RNF212B: variants seen among roughly 807,000 people sequenced by gnomAD.
RNF212B encodes the protein ring finger protein 212B, also known as E3 ubiquitin-protein ligase RNF212B.
RNF212B carries 52 observed loss-of-function variants against 55.5 expected under a neutral mutation model. The ratio of observed to expected loss-of-function variants is 0.94; its 90% confidence interval spans 0.75 to 1.18. The LOEUF (loss-of-function observed/expected upper bound fraction) is 1.18, where lower values mean the gene tolerates loss of function less well. Ranked by LOEUF, RNF212B falls within the 50% of genes most tolerant of loss-of-function variation. RNF212B has a pLI of 0.00. For synonymous variants in RNF212B, 99 were observed against 121.4 expected, an observed-to-expected ratio of 0.82 and a Z score of 1.21; for missense variants, 289 against 350.4, an observed-to-expected ratio of 0.82 and a Z score of 1.40.
intron 1 of RNF212B, among the ~76,000 whole-genome samples, chr14:23,193,129 A>G (rs1318793423): frequency 6.6e-6 from 1 of 151,062 alleles, no homozygotes; most frequent in Admixed American, 6.6e-5. Context: ...GAATGTTACC[A>G]GAATGGCACT....
intron 2 of RNF212B, among the ~76,000 whole-genome samples, chr14:23,214,909 C>T (rs1880918290): frequency 6.6e-6 from 1 of 152,054 alleles, no homozygotes; most frequent in South Asian, 2.1e-4. Context: ...CAAATAAATC[C>T]ATGCCAAGAC....
At chr14:23,221,261 C>T (rs994332778) in intron 2 of RNF212B, among the ~76,000 whole-genome samples, 1 of 151,066 alleles carries the variant, frequency 6.6e-6, no homozygotes, top group African/African-American at 2.4e-5. Context: ...AAGAAACACG[C>T]TTCACTTATA....
rs1886225154 is a variant in RNF212B, at chr14:23,272,978, G to C, written c.*87G>C. 4 of 723,188 alleles carry C rather than the reference G, an allele frequency of 5.5e-6. No individual in the cohort carries two copies. The East Asian group carries it at 1.2e-4, about 21-fold the overall frequency. The allele number at this position is 723,188 out of a possible 1,614,324, so 44.8% of individuals were successfully genotyped here. ...ATTAGGGGTGATGGCCCTGGAAAAT[G>C]TATCCCTGCATTGTTTCCTAGTTTC... On this transcript the variant is annotated 3_prime_UTR_variant, in exon 15 of 15. Transcript: ENST00000430154.
rs747582246 is a variant in RNF212B at position 23,228,212 on chromosome 14, ACGAGAG to A, written c.-1-12129_-1-12124del. Among the ~76,000 whole-genome samples, 97 of 152,036 alleles carry A rather than the reference ACGAGAG, an allele frequency of 6.4e-4. 2 individuals carry two copies. Among genetic ancestry groups the A allele is most frequent in the Non-Finnish European group, 1.5e-4 (10 of 68,020 alleles). ...GTGCCATCACACTCCAGCCTGGGTG[ACGAGAG>A]CGAAACTCTGTCTAAAAAAAAAACT... On this transcript the variant is annotated intron_variant, in intron 2 of 15. Transcript: ENST00000399910.
In RNF212B at chr14:23,247,939, C is replaced by A. The variant is rs1024627607; in HGVS notation, c.228+3543C>A. On this transcript the variant is annotated intron_variant, in intron 4 of 14. Coordinates refer to ENST00000430154, the MANE Select transcript of RNF212B (RefSeq NM_001282322.3). The stretch of plus-strand genomic sequence containing the variant: ...CTATAATAAAATACCTTAGACTGGG[C>A]AATTTCTAAATAACAGAAATTTAAT... Among the ~76,000 whole-genome samples, 10 of 152,126 alleles carry A rather than the reference C, an allele frequency of 6.6e-5. No individual in the cohort carries two copies. The East Asian group carries it at 1.9e-3, about 29-fold the overall frequency.
intron 2 of RNF212B, among the ~76,000 whole-genome samples, chr14:23,211,931 T>C (rs1566400081): frequency 6.6e-6 from 1 of 152,196 alleles, no homozygotes; most frequent in South Asian, 2.1e-4. Context: ...TTTTGCCATG[T>C]TGGCCAGGCT....
intron 2 of RNF212B, among the ~76,000 whole-genome samples, chr14:23,228,214 G>A (rs1439118587): frequency 2.0e-5 from 3 of 149,854 alleles, no homozygotes; most frequent in South Asian, 2.1e-4. Flanking sequence ...CCTGGGTGAC[G>A]AGAGCGAAAC....
At chr14:23,202,612 G>A (rs913663649) in intron 2 of RNF212B, among the ~76,000 whole-genome samples, 4 of 152,180 alleles carry the variant, frequency 2.6e-5, no homozygotes, top group African/African-American at 9.7e-5. Flanking sequence ...AGCACTTCGG[G>A]AGGCCGAGGC....
At chr14:23,215,850 A>T (rs1881013388) in intron 2 of RNF212B, among the ~76,000 whole-genome samples, 1 of 152,238 alleles carries the variant, frequency 6.6e-6, no homozygotes, top group African/African-American at 2.4e-5. Context: ...CCTAGTCCTT[A>T]TCCATTCTTA....
intron 4 of RNF212B, among the ~76,000 whole-genome samples, chr14:23,255,855 C>T (rs1204563390): frequency 1.3e-5 from 2 of 152,166 alleles, no homozygotes; most frequent in Non-Finnish European, 1.5e-5. Flanking sequence ...AGGTACATTA[C>T]TGAGTTAGAT....
At chr14:23,259,992 T>A (rs1448384775) in intron 6 of RNF212B, 48 bp downstream of exon 6, 1 of 945,836 alleles carries the variant, frequency 1.1e-6, no homozygotes, top group Non-Finnish European at 1.6e-6. Flanking sequence ...CTTACTTTTC[T>A]CATCTATCTA....
rs1878514821 is a variant in RNF212B at position 23,195,019 on chromosome 14, A to G, written c.-2+1618A>G. Among the ~76,000 whole-genome samples the G allele has an allele frequency of 2.0e-5, 3 of 150,148 alleles. No individual in the cohort carries two copies. In the South Asian group the frequency reaches 6.3e-4, roughly 32 times the overall value. On this transcript the variant is annotated intron_variant, in intron 2 of 15. Transcript: ENST00000399910. ...CAATGAAATTAAATTAGCAATCAAC[A>G]ATTAAAATAGAAAATAAGGTAAAGA...
At chr14:23,237,199 G>C (rs1883177318), upstream of RNF212B, among the ~76,000 whole-genome samples, 1 of 151,160 alleles carries the variant, frequency 6.6e-6, no homozygotes, top group Non-Finnish European at 1.5e-5. Context: ...GCGCGATCTC[G>C]GCTCACTGCA....
chr14:23,203,696 T>C (rs1181113086), intron 2 of RNF212B, among the ~76,000 whole-genome samples: 1 of 152,122 alleles, frequency 6.6e-6, no homozygotes, highest in African/African-American at 2.4e-5. Context: ...CAGGCTGGTG[T>C]TGAACTCCTG....
intron 9 of RNF212B, 55 bp from the exon 10 acceptor site, chr14:23,264,119 A>G (rs1354338553): frequency 2.1e-6 from 3 of 1,400,692 alleles, no homozygotes; most frequent in Non-Finnish European, 2.9e-6. Flanking sequence ...CAACAACAAT[A>G]AAAAGTAAAA....
chr14:23,199,645 C>T (rs562747596), intron 2 of RNF212B, among the ~76,000 whole-genome samples: 16 of 151,982 alleles, frequency 1.1e-4, no homozygotes, highest in African/African-American at 3.6e-4. Flanking sequence ...AGGTAGGTCC[C>T]GAACGAAGAT....
intron 4 of RNF212B, among the ~76,000 whole-genome samples, chr14:23,253,164 A>C (rs1884540223): frequency 6.6e-6 from 1 of 152,158 alleles, no homozygotes; most frequent in Non-Finnish European, 1.5e-5. Flanking sequence ...AAAGATAGGA[A>C]CTTTTTTCTT....
intron 2 of RNF212B, among the ~76,000 whole-genome samples, chr14:23,221,819 A>G (rs968930336): frequency 6.6e-6 from 1 of 152,190 alleles, no homozygotes; most frequent in African/African-American, 2.4e-5. Flanking sequence ...AAAACTAAAA[A>G]TCAATAACAG....
rs1235095870 is a variant in RNF212B, at chr14:23,238,023, C to T, written c.-34C>T. On this transcript the variant is annotated 5_prime_UTR_variant, in exon 1 of 15. Transcript: ENST00000430154. ...GGAGAACTGGATGATTTCCTGAGAT[C>T]TGAGGCTTTCTGGAATCACAGCGGC... Among the ~76,000 whole-genome samples the T allele has an allele frequency of 6.6e-6, 1 of 152,208 alleles. No individual in the cohort carries two copies. The highest frequency in any genetic ancestry group is 1.5e-5 in the Non-Finnish European group (1 of 68,040).
Sources: allele counts gnomAD v4.1 joint callset (sites outside exome capture counted in the v4.1 genomes callset), GRCh38; gene constraint gnomAD v4.1.1; transcripts MANE v1.5; gene names NCBI Gene and HGNC (gene_info 2026-07-23, HGNC 2026-07-21).